The following CLNS1A variants were observed in gnomAD, a reference collection of about 807,000 sequenced individuals.
CLNS1A encodes methylosome subunit pICln.
CLNS1A carries 16 observed loss-of-function variants against 29.4 expected under a neutral mutation model. The observed-to-expected ratio is 0.54, with a 90% confidence interval of 0.37 to 0.83. CLNS1A has a LOEUF of 0.83. Ranked by LOEUF, CLNS1A falls within the 40% of genes least tolerant of loss-of-function variation. The probability of loss-of-function intolerance (pLI) is 0.00; values close to 1 mark genes in which losing one functional copy is unlikely to be tolerated. For missense variants in CLNS1A, 235 were observed against 287.4 expected, an observed-to-expected ratio of 0.82 and a Z score of 1.32; for synonymous variants, 96 against 104.8, an observed-to-expected ratio of 0.92 and a Z score of 0.51.
At chr11:77,631,399 C>A (rs1051188965) in intron 1 of CLNS1A, among the ~76,000 whole-genome samples, 1 of 150,638 alleles carries the variant, frequency 6.6e-6, no homozygotes, top group African/African-American at 2.4e-5. Context: ...CGGCTCGCTG[C>A]AAGCTCCGCC....
chr11:77,629,457 G>A (rs1308220535), intron 2 of CLNS1A, among the ~76,000 whole-genome samples: 1 of 150,424 alleles, frequency 6.6e-6, no homozygotes, highest in Non-Finnish European at 1.5e-5. Context: ...GCAGTGGCAT[G>A]ATCTCGGCTC....
At chr11:77,618,048 A>G (rs989566420) in intron 6 of CLNS1A, among the ~76,000 whole-genome samples, 1 of 152,236 alleles carries the variant, frequency 6.6e-6, no homozygotes, top group Non-Finnish European at 1.5e-5. Flanking sequence ...ACCATTAAAA[A>G]GAATCCTAAG....
intron 6 of CLNS1A, chr11:77,618,835 G>A (rs1046994493): frequency 1.1e-4 from 16 of 152,186 alleles, no homozygotes; most frequent in African/African-American, 3.9e-4. Context: ...GAATAACAAA[G>A]GATCTTATAA....
chr11:77,619,756 C>T (rs1958938893), intron 5 of CLNS1A, 61 bp from the exon 6 acceptor site: 3 of 1,137,346 alleles, frequency 2.6e-6, no homozygotes, highest in African/African-American at 3.0e-5. Context: ...GTAGATTCAA[C>T]TTATAACTTC....
rs202191382 is a variant in CLNS1A, at chr11:77,634,101, C to CA, written c.125+3488dup. ...GGGCAACAAGAGTGAAACTTCATCT[C>CA]AAAAAAAAAAAAAAATTCAACTTCC... On this transcript the variant is annotated intron_variant, in intron 1 of 6. Transcript: ENST00000525428. 3.1e-3 allele frequency among the ~76,000 whole-genome samples: 378 copies of CA among 122,540 alleles called. 1 individual carries two copies. The highest frequency in any genetic ancestry group is 6.4e-3 in the East Asian group (27 of 4,214). 80.4% of individuals were successfully genotyped at this position (122,540 alleles called of 152,430 possible). A position where few individuals can be genotyped will look rare whatever the true frequency, so the allele number is the denominator to read the frequency against.
In CLNS1A at chr11:77,637,741, C is replaced by A. The variant is rs753075567; in HGVS notation, c.-27G>T. On this transcript the variant is annotated 5_prime_UTR_variant, in exon 1 of 7. The change creates a new upstream start codon in the 5' untranslated region. Transcript: ENST00000525428. The stretch of plus-strand genomic sequence containing the variant: ...GCAGCAGAGTGCGGCAACACAGGCC[C>A]TGAGGGAGTTGGAGCACAGCAATGC... 3 of 1,548,592 alleles carry A rather than the reference C, an allele frequency of 1.9e-6. No homozygotes were observed. In the South Asian group the frequency reaches 3.6e-5, roughly 19 times the overall value.
chr11:77,635,586 G>A (rs899310360), intron 1 of CLNS1A, among the ~76,000 whole-genome samples: 2 of 151,870 alleles, frequency 1.3e-5, no homozygotes, highest in Non-Finnish European at 2.9e-5. Flanking sequence ...CCTGTCATCA[G>A]GTGATCCACC....
At chr11:77,625,633 G>A in intron 3 of CLNS1A, 84 bp downstream of exon 3, 1 of 1,106,460 alleles carries the variant, frequency 9.0e-7, no homozygotes, top group Non-Finnish European at 1.3e-6. Flanking sequence ...GGTGAGAGGT[G>A]TGTGTGTGTG....
chr11:77,636,639 G>A (rs1323078118), intron 1 of CLNS1A, among the ~76,000 whole-genome samples: 1 of 152,164 alleles, frequency 6.6e-6, no homozygotes, highest in Non-Finnish European at 1.5e-5. Flanking sequence ...CAGCAAAAGG[G>A]ACTTCACAAA....
intron 5 of CLNS1A, chr11:77,621,869 C>A: frequency 2.3e-6 from 1 of 431,170 alleles, no homozygotes; most frequent in Non-Finnish European, 4.7e-6. Flanking sequence ...GACTCACCTC[C>A]CCTGAGCAAG....
chr11:77,622,793 C>T, intron 4 of CLNS1A, 120 bp from the exon 5 acceptor site: 1 of 753,318 alleles, frequency 1.3e-6, no homozygotes. Flanking sequence ...ACTAAAAATA[C>T]AAAAATTAGC....
intron 4 of CLNS1A, 31 bp from the exon 5 acceptor site, chr11:77,622,704 TACA>T (rs1565125355): frequency 6.6e-7 from 1 of 1,504,090 alleles, no homozygotes. Context: ...AAAGTTTAAA[TACA>T]ACAATTAGAA....
chr11:77,614,759 A>G lies in CLNS1A; in HGVS notation c.*1959T>C, dbSNP rs1036757530. 3 of 152,262 alleles carry G rather than the reference A, an allele frequency of 2.0e-5. No homozygotes were observed. The highest frequency in any genetic ancestry group is 1.3e-4 in the Admixed American group (2 of 15,284). The allele number at this position is 152,262 out of a possible 1,614,324, so 9.4% of individuals were successfully genotyped here. A position where few individuals can be genotyped will look rare whatever the true frequency, so the allele number is the denominator to read the frequency against. ...CTTACATTTTGGAGGGGAAATGTCT[A>G]TGTACCTTTAAAGTGTCTCTACATC... On this transcript the variant is annotated 3_prime_UTR_variant, in exon 7 of 7. Coordinates refer to ENST00000525428, the MANE Select transcript of CLNS1A (RefSeq NM_001293.3).
At chr11:77,636,994 C>T (rs906654676) in intron 1 of CLNS1A, among the ~76,000 whole-genome samples, 1 of 152,016 alleles carries the variant, frequency 6.6e-6, no homozygotes, top group African/African-American at 2.4e-5. Flanking sequence ...AGTCTGGTCC[C>T]TCTGCATATG....
At chr11:77,619,546 A>G in intron 6 of CLNS1A, 60 bp downstream of exon 6, 2 of 1,130,394 alleles carry the variant, frequency 1.8e-6, no homozygotes, top group Non-Finnish European at 2.7e-6. Flanking sequence ...TAAAAAGTAG[A>G]AAGTAATCAT....
At chr11:77,630,539 C>G (rs944019419) in intron 1 of CLNS1A, among the ~76,000 whole-genome samples, 2 of 152,076 alleles carry the variant, frequency 1.3e-5, no homozygotes, top group Non-Finnish European at 1.5e-5. Context: ...TAATTATTAC[C>G]CTGAGAGACA....
At chr11:77,633,577 G>A (rs1001125612) in intron 1 of CLNS1A, among the ~76,000 whole-genome samples, 2 of 152,160 alleles carry the variant, frequency 1.3e-5, no homozygotes, top group African/African-American at 4.8e-5. Flanking sequence ...CACAAGTATG[G>A]TGAGTGTCCT....
chr11:77,631,374 T>C (rs1959072122), intron 1 of CLNS1A, among the ~76,000 whole-genome samples: 1 of 150,610 alleles, frequency 6.6e-6, no homozygotes, highest in Non-Finnish European at 1.5e-5. Flanking sequence ...CAGGCTGGAG[T>C]GCAGTGGCGG....
At chr11:77,617,231 G>A (rs1390643090) in intron 6 of CLNS1A, among the ~76,000 whole-genome samples, 1 of 152,038 alleles carries the variant, frequency 6.6e-6, no homozygotes, top group Non-Finnish European at 1.5e-5. Context: ...AGCCAGGCGT[G>A]GTGGCACATG....
Sources: allele counts gnomAD v4.1 joint callset (sites outside exome capture counted in the v4.1 genomes callset), GRCh38; gene constraint gnomAD v4.1.1; transcripts MANE v1.5; gene names NCBI Gene and HGNC (gene_info 2026-07-23, HGNC 2026-07-21).